ULK2: variants seen among roughly 807,000 people sequenced by gnomAD.
ULK2 encodes the protein unc-51 like autophagy activating kinase 2, also known as serine/threonine-protein kinase ULK2.
Under a neutral mutation model 127.5 loss-of-function variants are expected in ULK2, and 76 were observed. The ratio of observed to expected loss-of-function variants is 0.60; its 90% CI spans 0.50 to 0.72. The LOEUF (loss-of-function observed/expected upper bound fraction) is 0.72, where lower values mean the gene tolerates loss of function less well. Ranked by LOEUF, ULK2 falls within the 30% of genes least tolerant of loss-of-function variation. The pLI is 0.00. For synonymous variants in ULK2, 452 were observed against 461.9 expected (o/e 0.98, Z 0.28); for missense variants, 1,144 against 1,295.9 (o/e 0.88, Z 1.80).
intron 10 of ULK2, among the ~76,000 whole-genome samples, chr17:19,834,397 T>C (rs1007205999): frequency 1.3e-5 from 2 of 151,976 alleles, no homozygotes; most frequent in Non-Finnish European, 2.9e-5. Flanking sequence ...ATAAAATAAT[T>C]ATAAAATTGT....
At chr17:19,776,440 T>A (rs1446574663) in intron 26 of ULK2, 33 bp from the exon 27 acceptor site, 3 of 1,536,986 alleles carry the variant, frequency 2.0e-6, no homozygotes, top group Admixed American at 4.0e-5. Flanking sequence ...GAAGAACTAA[T>A]GAAAAAAATC....
At chr17:19,793,935 G>A (rs1050961544) in intron 20 of ULK2, among the ~76,000 whole-genome samples, 19 of 152,136 alleles carry the variant, frequency 1.2e-4, no homozygotes, top group Non-Finnish European at 2.4e-4. Flanking sequence ...TTAAAGTAAT[G>A]ATAATTAATA....
intron 10 of ULK2, among the ~76,000 whole-genome samples, chr17:19,829,788 G>A (rs1305309608): frequency 7.0e-6 from 1 of 142,280 alleles, no homozygotes; most frequent in African/African-American, 2.7e-5. Flanking sequence ...GCAGTAAACC[G>A]AGATCGCGCC....
chr17:19,805,985 T>C (rs2087507484), intron 14 of ULK2, among the ~76,000 whole-genome samples: 1 of 152,244 alleles, frequency 6.6e-6, no homozygotes, highest in Non-Finnish European at 1.5e-5. Context: ...TATTTAGGTA[T>C]TTCCATTTAG....
intron 12 of ULK2, among the ~76,000 whole-genome samples, chr17:19,821,808 T>C (rs1366651757): frequency 1.3e-5 from 2 of 152,134 alleles, no homozygotes; most frequent in Non-Finnish European, 2.9e-5. Flanking sequence ...GGAGCAATCA[T>C]AGCTCACTGT....
At chr17:19,797,745 A>C in intron 17 of ULK2, 63 bp from the exon 18 acceptor site, 1 of 1,337,956 alleles carries the variant, frequency 7.5e-7, no homozygotes, top group Non-Finnish European at 9.8e-7. Context: ...AAATGTAAAA[A>C]TTAAGAAGAC....
Position 19,797,752 on chromosome 17 carries a change from A to G in ULK2, c.1523-70T>C, listed in dbSNP as rs142489692. On this transcript the variant is annotated intron_variant, in intron 17 of 26. Transcript: ENST00000395544. ...CAGTGCAAAAATGTAAAAATTAAGA[A>G]GACAATTTTTAAAATGAGAATTCTG... 11 of 1,298,718 alleles carry G rather than the reference A, an allele frequency of 8.5e-6. No homozygotes were observed. The African/African-American group carries it at 1.7e-4, about 20-fold the overall frequency. The allele number at this position is 1,298,718 out of a possible 1,614,324, so 80.4% of individuals were successfully genotyped here. A position where few individuals can be genotyped will look rare whatever the true frequency, so the allele number is the denominator to read the frequency against.
At chr17:19,781,191 C>T (rs1480420646) in intron 23 of ULK2, 87 bp from the exon 24 acceptor site, 2 of 1,056,316 alleles carry the variant, frequency 1.9e-6, no homozygotes, top group Non-Finnish European at 2.7e-6. Flanking sequence ...ATTAAAATTG[C>T]CTTTCTATAA....
Position 19,783,771 on chromosome 17 carries a change from C to G in ULK2, c.2386G>C (p.Gly796Arg), listed in dbSNP as rs754279030. 2 of 1,601,786 alleles carry G rather than the reference C, an allele frequency of 1.2e-6. No homozygotes were observed. The highest frequency in any genetic ancestry group is 1.1e-5 in the South Asian group (1 of 88,312). ...CCCTCTAGGCTGGGGGGTGAAGCAC[C>G]GTAAGGCACGTATCTCAGGCTGGGA... ...AAPSLRYVPY[G>R]ASPPSLEGLI... Residue 796 changes from glycine (G) to arginine (R), a missense_variant, in exon 22 of 27, where the codon GGT becomes CGT. By Grantham distance (125) the Gly-to-Arg change is moderately radical (BLOSUM62 -2). Coordinates refer to ENST00000395544, the MANE Select transcript of ULK2 (RefSeq NM_014683.4).
rs535512680 is a variant in ULK2 at position 19,836,650 on chromosome 17, T to C, written c.787+1851A>G. On this transcript the variant is annotated intron_variant, in intron 10 of 26. Coordinates refer to ENST00000395544, the MANE Select transcript of ULK2 (RefSeq NM_014683.4). The stretch of plus-strand genomic sequence containing the variant: ...GGCTGGGCATGGTGGCTCATGCCTG[T>C]AATCCCAGCACTTTGGGAGGCTGAG... Among the ~76,000 whole-genome samples, 4 of 151,944 alleles carry C rather than the reference T, an allele frequency of 2.6e-5. No homozygotes were observed. In the East Asian group the frequency reaches 7.8e-4, roughly 30 times the overall value.
Position 19,801,823 on chromosome 17 carries a change from T to C in ULK2, c.1395A>G (p.Arg465=), listed in dbSNP as rs972195117. 6.2e-7 allele frequency: 1 copy of C among 1,614,218 alleles called. No individual in the cohort carries two copies. The highest frequency in any genetic ancestry group is 1.7e-5 in the Admixed American group (1 of 60,026). ...GCCTAGAAGACCCAGTGGAGAGCCTTCGTCCAACTGTCTGTGCTGTGTCTG... is the reference window on the plus strand; with the variant it reads ...GCCTAGAAGACCCAGTGGAGAGCCTCCGTCCAACTGTCTGTGCTGTGTCTG... ...VPADTAQTVG[R]RLSTGSSRPY... Residue 465 remains arginine (R), a synonymous_variant, in exon 16 of 27, where the codon CGA becomes CGG. Transcript: ENST00000395544.
Position 19,831,767 on chromosome 17 carries a change from T to C in ULK2, c.788-5581A>G, listed in dbSNP as rs141275081. Among the ~76,000 whole-genome samples the C allele has an allele frequency of 2.1e-3, 321 of 152,094 alleles. 1 individual carries two copies. Among genetic ancestry groups the C allele is most frequent in the African/African-American group, 7.4e-3 (309 of 41,496 alleles). On this transcript the variant is annotated intron_variant, in intron 10 of 26. Transcript: ENST00000395544. ...GCTTTAGCCCAGGAGGCAGGGGTTG[T>C]AGTGAGTCAAGACTGTGCCACTGCA...
chr17:19,831,842 T>C (rs1217498034), intron 10 of ULK2, among the ~76,000 whole-genome samples: 2 of 144,252 alleles, frequency 1.4e-5, no homozygotes, highest in Non-Finnish European at 3.0e-5. Context: ...AAAGAAGAAA[T>C]AGGCCAGGCA....
chr17:19,796,416 G>C (rs1206162974), intron 18 of ULK2, 134 bp from the exon 19 acceptor site: 1 of 825,858 alleles, frequency 1.2e-6, no homozygotes, highest in Non-Finnish European at 1.7e-6. Context: ...AAAAATTGTA[G>C]AAAGATGCAA....
chr17:19,842,521 T>G (rs1057429853), intron 8 of ULK2, among the ~76,000 whole-genome samples: 6 of 152,116 alleles, frequency 3.9e-5, no homozygotes, highest in Non-Finnish European at 8.8e-5. Context: ...TAATACTATC[T>G]CGGGCAAATA....
intron 3 of ULK2, among the ~76,000 whole-genome samples, chr17:19,853,237 C>A (rs974133599): frequency 6.6e-6 from 1 of 151,238 alleles, no homozygotes; most frequent in South Asian, 2.1e-4. Context: ...AGGGTTCAAG[C>A]GAGTCTCCTG....
chr17:19,795,354 A>AAT (rs2087245630), intron 20 of ULK2, among the ~76,000 whole-genome samples: 2 of 146,836 alleles, frequency 1.4e-5, no homozygotes, highest in South Asian at 2.1e-4. Context: ...TGATAAAAAA[A>AAT]AAAAAAAAAA....
chr17:19,784,100 T>C (rs1053880297), intron 21 of ULK2, 195 bp from the exon 22 acceptor site: 4 of 417,610 alleles, frequency 9.6e-6, no homozygotes, highest in African/African-American at 8.2e-5. Context: ...TCCTTGTCTA[T>C]ATATTTTATA....
At chr17:19,820,550 G>C (rs1419709911) in intron 12 of ULK2, among the ~76,000 whole-genome samples, 1 of 152,134 alleles carries the variant, frequency 6.6e-6, no homozygotes, top group Non-Finnish European at 1.5e-5. Context: ...TCCACTATGG[G>C]AGCTACCAGC....
Sources: gnomAD v4.1 joint callset for allele counts (sites outside exome capture counted in the v4.1 genomes callset) on GRCh38, gnomAD v4.1.1 for gene constraint, MANE v1.5 for transcripts, NCBI Gene and HGNC (gene_info 2026-07-23, HGNC 2026-07-21) for gene names.